The following SCHIP1 variants were observed in gnomAD, a reference collection of about 807,000 sequenced individuals.
SCHIP1 encodes the protein schwannomin interacting protein 1.
In SCHIP1, 8 loss-of-function variants were observed where a neutral mutation model predicts 29.7. The ratio of observed to expected loss-of-function variants is 0.27; its 90% CI spans 0.16 to 0.49. The LOEUF is 0.49. SCHIP1 is among the 20% of genes least tolerant of loss of function. The pLI, the probability that SCHIP1 is intolerant of heterozygous loss-of-function variation, is 0.99. For missense variants in SCHIP1, 193 were observed against 294.6 expected (o/e 0.66, Z 2.52); for synonymous variants, 76 against 94.9 (o/e 0.80, Z 1.16).
chr3:159,431,720 A>G, the SCHIP1 span, among the ~76,000 whole-genome samples: 1 of 151,966 alleles, frequency 6.6e-6, no homozygotes, highest in East Asian at 1.9e-4. Context: ...GAGACAACAG[A>G]ATCACTTGAA....
chr3:159,859,539 G>A (rs1713791725), intron 1 of SCHIP1, among the ~76,000 whole-genome samples: 3 of 152,174 alleles, frequency 2.0e-5, no homozygotes, highest in African/African-American at 7.2e-5. Flanking sequence ...ACGTTCCCTG[G>A]CGGATGCTGC....
the SCHIP1 span, among the ~76,000 whole-genome samples, chr3:159,438,241 C>G: frequency 6.6e-6 from 1 of 152,088 alleles, no homozygotes; most frequent in Non-Finnish European, 1.5e-5. Flanking sequence ...AAGCCCAGAG[C>G]TCCTCCCTGA....
chr3:159,709,935 A>C, the SCHIP1 span, among the ~76,000 whole-genome samples: 1 of 152,378 alleles, frequency 6.6e-6, no homozygotes, highest in Admixed American at 6.5e-5. Flanking sequence ...AAGATGAGAC[A>C]TAAGTATTGG....
chr3:159,642,987 G>C, the SCHIP1 span, among the ~76,000 whole-genome samples: 1 of 152,068 alleles, frequency 6.6e-6, no homozygotes, highest in South Asian at 2.1e-4. Flanking sequence ...GGAGGTAAAG[G>C]TGAGTAAGCA....
At chr3:159,842,998 T>TTTC (rs1234414214) in intron 1 of SCHIP1, among the ~76,000 whole-genome samples, 1 of 91,584 alleles carries the variant, frequency 1.1e-5, no homozygotes, top group African/African-American at 3.9e-5. Context: ...CCAATATTTC[T>TTTC]TTCTTTTTTT....
At chr3:159,836,429 T>C (rs1743664948), upstream of SCHIP1, among the ~76,000 whole-genome samples, 1 of 152,192 alleles carries the variant, frequency 6.6e-6, no homozygotes, top group South Asian at 2.1e-4. Flanking sequence ...CACCTTTTAA[T>C]ACCATCATAC....
intron 1 of SCHIP1, among the ~76,000 whole-genome samples, chr3:159,854,119 C>G (rs1344950230): frequency 6.6e-6 from 1 of 152,222 alleles, no homozygotes; most frequent in Non-Finnish European, 1.5e-5. Context: ...TTATTTGCCA[C>G]AAGTCAAGTG....
At chr3:159,858,949 C>G (rs1393549685) in intron 1 of SCHIP1, among the ~76,000 whole-genome samples, 1 of 152,194 alleles carries the variant, frequency 6.6e-6, no homozygotes, top group Admixed American at 6.5e-5. Context: ...TTTGGCAGCT[C>G]ATCTTGACCT....
At chr3:159,476,113 G>A in the SCHIP1 span, among the ~76,000 whole-genome samples, 2 of 152,294 alleles carry the variant, frequency 1.3e-5, no homozygotes, top group Admixed American at 1.3e-4. Flanking sequence ...TGAAGGGCCA[G>A]TCACAGGAGA....
At chr3:159,883,686 C>T (rs919980573) in intron 2 of SCHIP1, among the ~76,000 whole-genome samples, 3 of 152,182 alleles carry the variant, frequency 2.0e-5, no homozygotes, top group Non-Finnish European at 2.9e-5. Context: ...ATTTCCTTTT[C>T]CTGAGAGTAA....
At chr3:159,360,565 C>T in the SCHIP1 span, among the ~76,000 whole-genome samples, 1 of 152,158 alleles carries the variant, frequency 6.6e-6, no homozygotes, top group Non-Finnish European at 1.5e-5. Flanking sequence ...AGGTTTCGAG[C>T]TATGAAACCT....
chr3:159,821,699 C>T, the SCHIP1 span, among the ~76,000 whole-genome samples: 2 of 152,202 alleles, frequency 1.3e-5, no homozygotes, highest in Non-Finnish European at 2.9e-5. Context: ...TAGGTCATAG[C>T]AACCTCAGCA....
the SCHIP1 span, among the ~76,000 whole-genome samples, chr3:159,646,879 G>A: frequency 6.6e-6 from 1 of 151,888 alleles, no homozygotes; most frequent in Non-Finnish European, 1.5e-5. Context: ...AAAATAACCA[G>A]GAATACTAAA....
the SCHIP1 span, among the ~76,000 whole-genome samples, chr3:159,676,978 T>G: frequency 0.033 from 4,972 of 152,274 alleles, 143 homozygotes; most frequent in African/African-American, 0.077. Context: ...ACTGTGGGGT[T>G]ATGCCTACTA....
chr3:159,411,852 G>A, the SCHIP1 span, among the ~76,000 whole-genome samples: 2 of 152,082 alleles, frequency 1.3e-5, no homozygotes, highest in East Asian at 3.9e-4. Context: ...CATTCAGGAG[G>A]CATGAAGACC....
At chr3:159,350,107 A>ATATT in the SCHIP1 span, among the ~76,000 whole-genome samples, 1 of 152,118 alleles carries the variant, frequency 6.6e-6, no homozygotes, top group African/African-American at 2.4e-5. Context: ...TCAATAGCTG[A>ATATT]TATTTATTAA....
At chr3:159,694,597 AAAGAAAGAAAGG>A in the SCHIP1 span, among the ~76,000 whole-genome samples, 755 of 126,998 alleles carry the variant, frequency 5.9e-3, 12 homozygotes, top group African/African-American at 0.021. Context: ...AGAAAGAAAG[AAAGAAAGAAAGG>A]AATTATGACC....
chr3:159,881,126 C>T lies in SCHIP1; in HGVS notation c.150-5081C>T, dbSNP rs1036278887. On this transcript the variant is annotated intron_variant, in intron 2 of 6. Transcript: ENST00000445224. The stretch of plus-strand genomic sequence containing the variant: ...CGACACCATCACACGTGCAGTACAT[C>T]TAAAGCTTACCCAAACCTCAATTGT... 2.6e-5 allele frequency among the ~76,000 whole-genome samples: 4 copies of T among 152,210 alleles called. No homozygotes were observed. In the East Asian group the frequency reaches 7.7e-4, roughly 29 times the overall value.
chr3:159,424,509 T>C, the SCHIP1 span, among the ~76,000 whole-genome samples: 3 of 151,888 alleles, frequency 2.0e-5, no homozygotes, highest in Non-Finnish European at 4.4e-5. Context: ...TAAAAAGAAA[T>C]GAACAAAGCC....
Sources: allele counts gnomAD v4.1 joint callset (sites outside exome capture counted in the v4.1 genomes callset), GRCh38; gene constraint gnomAD v4.1.1; transcripts MANE v1.5; gene names NCBI Gene and HGNC (gene_info 2026-07-23, HGNC 2026-07-21).